Variants in DOCK3 observed in about 807,000 individuals in gnomAD.
DOCK3 encodes dedicator of cytokinesis protein 3.
DOCK3 carries 60 observed loss-of-function variants against 265.6 expected under a neutral mutation model. The observed-to-expected ratio is 0.23, with a 90% CI of 0.18 to 0.28. The LOEUF is 0.28. DOCK3 is among the 10% of genes least tolerant of loss of function. DOCK3 has a pLI of 1.00. For synonymous variants in DOCK3, 881 were observed against 938.0 expected (o/e 0.94, Z 1.11); for missense variants, 1,981 against 2,594.3 (o/e 0.76, Z 5.14).
At chr3:51,320,656 T>G (rs1461443714) in intron 32 of DOCK3, among the ~76,000 whole-genome samples, 1 of 152,162 alleles carries the variant, frequency 6.6e-6, no homozygotes, top group African/African-American at 2.4e-5. Context: ...GCTTCTGCCA[T>G]TGCTGAGGCT....
intron 4 of DOCK3, among the ~76,000 whole-genome samples, chr3:50,921,101 G>A (rs2050432227): frequency 6.6e-6 from 1 of 152,178 alleles, no homozygotes; most frequent in South Asian, 2.1e-4. Context: ...TGATTGCACT[G>A]TGGTCTGAGA....
intron 1 of DOCK3, among the ~76,000 whole-genome samples, chr3:50,771,978 A>C (rs1048381074): frequency 6.6e-6 from 1 of 152,248 alleles, no homozygotes; most frequent in Non-Finnish European, 1.5e-5. Context: ...TATATCGAAG[A>C]GATATCTGCA....
intron 6 of DOCK3, among the ~76,000 whole-genome samples, chr3:51,072,913 G>A (rs1025116679): frequency 9.4e-5 from 14 of 148,284 alleles, no homozygotes; most frequent in Non-Finnish European, 1.0e-4. Context: ...TCACTGAGTT[G>A]CCCAGGCTGG....
Position 51,356,094 on chromosome 3 carries a change from C to G in DOCK3, c.4255C>G (p.Gln1419Glu). 1 of 1,613,936 alleles carries G rather than the reference C, an allele frequency of 6.2e-7. No homozygotes were observed. The stretch of plus-strand genomic sequence containing the variant: ...CTCCTTCACTTCCTGCCCAGACTTG[C>G]AGATCTATGCAGTGACGCCCATTCC... ...AILQCDAQYL[Q>E]IYAVTPIPDY... The change falls in exon 42 of 53, where the codon CAG becomes GAG. Residue 1419 changes from glutamine (Q) to glutamate (E), a missense_variant. Transcript: ENST00000266037.
intron 5 of DOCK3, among the ~76,000 whole-genome samples, chr3:50,981,888 C>T (rs956008925): frequency 1.3e-5 from 2 of 152,074 alleles, no homozygotes; most frequent in Admixed American, 6.6e-5. Context: ...CTCTCTCTGT[C>T]GCCCAGGCTG....
At chr3:50,690,068 C>G (rs1356902878) in intron 1 of DOCK3, among the ~76,000 whole-genome samples, 1 of 151,098 alleles carries the variant, frequency 6.6e-6, no homozygotes, top group African/African-American at 2.4e-5. Context: ...AGCTTTTCCC[C>G]TATGGTTGTT....
At chr3:51,265,757 A>C (rs2080128351) in intron 23 of DOCK3, among the ~76,000 whole-genome samples, 1 of 152,232 alleles carries the variant, frequency 6.6e-6, no homozygotes, top group African/African-American at 2.4e-5. Flanking sequence ...AATGGGTAAA[A>C]GCTGGAAATG....
At chr3:51,312,990 G>A in intron 31 of DOCK3, 88 bp downstream of exon 31, 11 of 1,267,576 alleles carry the variant, frequency 8.7e-6, no homozygotes, top group Non-Finnish European at 1.1e-5. Context: ...CAGGCTTTAT[G>A]AATGTTAATT....
intron 12 of DOCK3, among the ~76,000 whole-genome samples, chr3:51,192,487 C>T (rs2088005009): frequency 6.6e-6 from 1 of 151,932 alleles, no homozygotes; most frequent in African/African-American, 2.4e-5. Context: ...TAACCCCACC[C>T]AGCACTGGAA....
intron 32 of DOCK3, among the ~76,000 whole-genome samples, chr3:51,328,628 C>G (rs2084313842): frequency 6.6e-6 from 1 of 150,996 alleles, no homozygotes; most frequent in African/African-American, 2.4e-5. Flanking sequence ...AAAAGAGAGG[C>G]TATATTTATT....
chr3:50,681,572 A>G (rs2034413752), intron 1 of DOCK3, among the ~76,000 whole-genome samples: 2 of 152,224 alleles, frequency 1.3e-5, no homozygotes, highest in Non-Finnish European at 2.9e-5. Flanking sequence ...TTTTTTTCAC[A>G]TAAAGGCTCT....
chr3:50,809,761 C>T (rs2043631139), intron 2 of DOCK3, among the ~76,000 whole-genome samples: 1 of 152,072 alleles, frequency 6.6e-6, no homozygotes, highest in South Asian at 2.1e-4. Context: ...CCATCACAGA[C>T]ATATTATTGA....
chr3:50,854,592 G>T (rs77381548), intron 3 of DOCK3, among the ~76,000 whole-genome samples: 569 of 47,200 alleles, frequency 0.012, 33 homozygotes, highest in African/African-American at 0.035. Flanking sequence ...CATCACACCA[G>T]TTTTTTTTTT....
At position 51,225,678 on chromosome 3, in the gene DOCK3, C is replaced by T. The variant is rs752352423; in HGVS notation, c.1282C>T (p.Leu428=). The T allele has an allele frequency of 3.1e-6, 5 of 1,613,512 alleles. No homozygotes were observed. Among genetic ancestry groups the T allele is most frequent in the Non-Finnish European group, 4.2e-6 (5 of 1,179,692 alleles). Residue 428 remains leucine (L), a synonymous_variant, in exon 15 of 53, where the codon CTG becomes TTG. Coordinates refer to ENST00000266037, the MANE Select transcript of DOCK3 (RefSeq NM_004947.5). ...TATCCGCAATGACCTGTACCTAACC[C>T]TGGAGAAGGGGGATTTCGAGAGAGG... ...GDIRNDLYLT[L]EKGDFERGGK... is the part of the protein sequence containing the mutation.
chr3:50,999,305 C>G (rs2078390236), intron 5 of DOCK3, among the ~76,000 whole-genome samples: 1 of 152,194 alleles, frequency 6.6e-6, no homozygotes, highest in African/African-American at 2.4e-5. Context: ...ACCATATGCT[C>G]TTGAAACTAT....
chr3:51,266,279 A>C (rs1283822519), intron 23 of DOCK3, among the ~76,000 whole-genome samples: 1 of 152,220 alleles, frequency 6.6e-6, no homozygotes, highest in Non-Finnish European at 1.5e-5. Context: ...AGTCAATGCC[A>C]TCCCCATCAA....
At chr3:50,901,696 C>T (rs2049206276) in intron 4 of DOCK3, 2 of 453,928 alleles carry the variant, frequency 4.4e-6, no homozygotes, top group African/African-American at 4.0e-5. Flanking sequence ...AAGGCACAGT[C>T]CCTCATGGCT....
intron 14 of DOCK3, among the ~76,000 whole-genome samples, chr3:51,219,432 T>C (rs1344452597): frequency 6.6e-6 from 1 of 152,196 alleles, no homozygotes; most frequent in Admixed American, 6.5e-5. Flanking sequence ...CTTGGGTAAC[T>C]GACAAGACAT....
chr3:51,014,490 G>T (rs1379186327), intron 5 of DOCK3, among the ~76,000 whole-genome samples: 1 of 152,020 alleles, frequency 6.6e-6, no homozygotes, highest in Admixed American at 6.6e-5. Flanking sequence ...TACCTCCATT[G>T]ATTTGCTGTC....
Sources: gnomAD v4.1 joint callset for allele counts (sites outside exome capture counted in the v4.1 genomes callset) on GRCh38, gnomAD v4.1.1 for gene constraint, MANE v1.5 for transcripts, NCBI Gene and HGNC (gene_info 2026-07-23, HGNC 2026-07-21) for gene names.